The following PACRG variants were observed in gnomAD, a reference collection of about 807,000 sequenced individuals.
PACRG encodes the protein parkin coregulated, also known as parkin coregulated gene protein.
In PACRG, 29 loss-of-function variants were observed where a neutral mutation model predicts 29.7. That is an observed-to-expected ratio of 0.98 (90% confidence interval 0.73 to 1.33). The LOEUF (loss-of-function observed/expected upper bound fraction) is 1.33, where lower values mean the gene tolerates loss of function less well. Ranked by LOEUF, PACRG falls within the 40% of genes most tolerant of loss-of-function variation. PACRG has a pLI of 0.00. For missense variants in PACRG, 279 were observed against 316.2 expected (o/e 0.88, Z 0.89); for synonymous variants, 116 against 118.7 (o/e 0.98, Z 0.15).
At chr6:163,092,510 C>T (rs1027263943) in intron 4 of PACRG, among the ~76,000 whole-genome samples, 1 of 152,150 alleles carries the variant, frequency 6.6e-6, no homozygotes, top group African/African-American at 2.4e-5. Flanking sequence ...TAATATTTTT[C>T]ACAGAGTTTA....
At chr6:163,194,909 C>A (rs1780378703) in intron 4 of PACRG, among the ~76,000 whole-genome samples, 2 of 152,152 alleles carry the variant, frequency 1.3e-5, no homozygotes, top group African/African-American at 4.8e-5. Context: ...CCCCTCCCTC[C>A]CTTTTGGTCA....
intron 4 of PACRG, among the ~76,000 whole-genome samples, chr6:163,307,034 G>A (rs1785218397): frequency 6.6e-6 from 1 of 152,200 alleles, no homozygotes. Flanking sequence ...TTGCCTTGAA[G>A]TCCAGTATTC....
chr6:163,298,642 A>T (rs541618679), intron 4 of PACRG, among the ~76,000 whole-genome samples: 2 of 152,358 alleles, frequency 1.3e-5, no homozygotes, highest in East Asian at 3.9e-4. Context: ...GGTAGACTTA[A>T]TGTCTCTAGC....
At chr6:162,989,228 G>A (rs57692517) in intron 2 of PACRG, among the ~76,000 whole-genome samples, 9,757 of 152,240 alleles carry the variant, frequency 0.064, 813 homozygotes, top group African/African-American at 0.19. Flanking sequence ...AGATACTGAT[G>A]CTCTAGGTCA....
At chr6:163,011,153 T>C (rs148369190) in intron 2 of PACRG, among the ~76,000 whole-genome samples, 283 of 152,266 alleles carry the variant, frequency 1.9e-3, no homozygotes, top group African/African-American at 5.9e-3. Flanking sequence ...CATGGAAGAT[T>C]TATCAGGAGT....
At chr6:162,799,857 A>C (rs1197301772) in intron 1 of PACRG, among the ~76,000 whole-genome samples, 1 of 152,226 alleles carries the variant, frequency 6.6e-6, no homozygotes, top group East Asian at 1.9e-4. Context: ...TTCAGTAAGA[A>C]ATAACTCTTG....
At chr6:162,888,614 C>T (rs1794534673) in intron 2 of PACRG, among the ~76,000 whole-genome samples, 1 of 152,134 alleles carries the variant, frequency 6.6e-6, no homozygotes, top group Non-Finnish European at 1.5e-5. Flanking sequence ...ACTCCTTGAT[C>T]TCAGCTTACA....
At chr6:163,274,067 C>T (rs949584313) in intron 4 of PACRG, among the ~76,000 whole-genome samples, 2 of 152,104 alleles carry the variant, frequency 1.3e-5, no homozygotes, top group African/African-American at 2.4e-5. Flanking sequence ...TTCTAGGGTA[C>T]ATGTGCACAA....
intron 2 of PACRG, among the ~76,000 whole-genome samples, chr6:163,053,760 G>A (rs771605327): frequency 9.9e-5 from 15 of 152,182 alleles, no homozygotes; most frequent in Non-Finnish European, 2.1e-4. Flanking sequence ...CAGAGTCAGT[G>A]TTAAACAGCC....
At chr6:162,878,478 G>A (rs1289827007) in intron 2 of PACRG, among the ~76,000 whole-genome samples, 1 of 152,030 alleles carries the variant, frequency 6.6e-6, no homozygotes, top group Non-Finnish European at 1.5e-5. Context: ...TACAAATATT[G>A]AATAGACTGA....
chr6:162,955,644 G>T (rs1435149290), intron 2 of PACRG, among the ~76,000 whole-genome samples: 2 of 152,180 alleles, frequency 1.3e-5, no homozygotes, highest in African/African-American at 4.8e-5. Flanking sequence ...GGGAGACATA[G>T]AAATAGCGTA....
chr6:163,231,119 C>T (rs1005852485), intron 4 of PACRG, among the ~76,000 whole-genome samples: 2 of 152,144 alleles, frequency 1.3e-5, no homozygotes, highest in South Asian at 2.1e-4. Flanking sequence ...CGGCTGGGAG[C>T]GGCACCACCT....
chr6:163,116,505 GA>G (rs1304458261), intron 4 of PACRG, among the ~76,000 whole-genome samples: 1 of 152,198 alleles, frequency 6.6e-6, no homozygotes, highest in East Asian at 1.9e-4. Flanking sequence ...TATTTGGAGT[GA>G]TTGAGAGAGT....
At chr6:162,885,732 G>A (rs1202618867) in intron 2 of PACRG, among the ~76,000 whole-genome samples, 1 of 152,090 alleles carries the variant, frequency 6.6e-6, no homozygotes, top group Non-Finnish European at 1.5e-5. Flanking sequence ...AATAATGAGA[G>A]TTGACTTGCA....
At chr6:162,950,460 A>T (rs1799566123) in intron 2 of PACRG, among the ~76,000 whole-genome samples, 1 of 152,202 alleles carries the variant, frequency 6.6e-6, no homozygotes, top group South Asian at 2.1e-4. Context: ...GTGAGCCAAG[A>T]TCATGCCACT....
intron 1 of PACRG, among the ~76,000 whole-genome samples, chr6:162,783,754 A>G (rs1243281678): frequency 6.6e-6 from 1 of 152,050 alleles, no homozygotes; most frequent in Non-Finnish European, 1.5e-5. Flanking sequence ...AACATTATAA[A>G]TTTTGAGACC....
At chr6:163,110,708 C>A (rs1562922045) in intron 4 of PACRG, among the ~76,000 whole-genome samples, 1 of 152,252 alleles carries the variant, frequency 6.6e-6, no homozygotes, top group African/African-American at 2.4e-5. Flanking sequence ...AGCCCCTGGG[C>A]TGTCACCGTG....
At chr6:163,161,575 A>G (rs1447267622) in intron 4 of PACRG, among the ~76,000 whole-genome samples, 1 of 152,220 alleles carries the variant, frequency 6.6e-6, no homozygotes, top group South Asian at 2.1e-4. Context: ...TATTTTGTAC[A>G]CGTGCGTATA....
intron 2 of PACRG, among the ~76,000 whole-genome samples, chr6:163,006,206 TCCC>T (rs1805095501): frequency 7.2e-6 from 1 of 139,408 alleles, no homozygotes; most frequent in Admixed American, 7.2e-5. Flanking sequence ...TATATATATA[TCCC>T]ATATATATAT....
Sources: gnomAD v4.1 joint callset for allele counts (sites outside exome capture counted in the v4.1 genomes callset) on GRCh38, gnomAD v4.1.1 for gene constraint, MANE v1.5 for transcripts, NCBI Gene and HGNC (gene_info 2026-07-23, HGNC 2026-07-21) for gene names.